The following FIGN variants were observed in gnomAD, a reference collection of about 807,000 sequenced individuals.
FIGN encodes fidgetin.
In FIGN, 11 loss-of-function variants were observed where a neutral mutation model predicts 51.3. The observed-to-expected ratio is 0.21, with a 90% CI of 0.13 to 0.35. The LOEUF (loss-of-function observed/expected upper bound fraction) is 0.35. Ranked by LOEUF, FIGN falls within the 10% of genes least tolerant of loss-of-function variation. The pLI, the probability that FIGN is intolerant of heterozygous loss-of-function variation, is 1.00. For synonymous variants in FIGN, 407 were observed against 363.2 expected (o/e 1.12, Z -1.37); for missense variants, 857 against 943.6 (o/e 0.91, Z 1.20).
chr2:163,655,802 C>CAG (rs1260075041), intron 2 of FIGN, among the ~76,000 whole-genome samples: 2 of 136,146 alleles, frequency 1.5e-5, no homozygotes, highest in Admixed American at 6.9e-5. Flanking sequence ...CACACACACA[C>CAG]ACAGAGAGAG....
chr2:163,624,427 A>G (rs1683022995), intron 2 of FIGN, among the ~76,000 whole-genome samples: 1 of 151,416 alleles, frequency 6.6e-6, no homozygotes, highest in African/African-American at 2.4e-5. Context: ...AAGAAGAGAA[A>G]GAAAAAAAAA....
intron 2 of FIGN, among the ~76,000 whole-genome samples, chr2:163,623,845 G>T (rs139764080): frequency 6.6e-6 from 1 of 151,968 alleles, no homozygotes; most frequent in Non-Finnish European, 1.5e-5. Flanking sequence ...TTTTACTTTA[G>T]AAATTATTTT....
chr2:163,620,100 T>G (rs1682942454), intron 2 of FIGN, among the ~76,000 whole-genome samples: 1 of 152,148 alleles, frequency 6.6e-6, no homozygotes, highest in Admixed American at 6.6e-5. Flanking sequence ...TTCCTAAGTG[T>G]CAGGTGTCAT....
chr2:163,640,838 C>T (rs1683295108), intron 2 of FIGN, among the ~76,000 whole-genome samples: 1 of 152,156 alleles, frequency 6.6e-6, no homozygotes, highest in Admixed American at 6.5e-5. Context: ...TTTAGAATAA[C>T]ACTGGTACCT....
Position 163,609,614 on chromosome 2 carries a change from T to C in FIGN, c.2218A>G (p.Ile740Val), listed in dbSNP as rs1406319027. Residue 740 changes from isoleucine (I) to valine (V), a missense_variant, in exon 3 of 3, where the codon ATA (isoleucine) becomes GTA (valine). Coordinates refer to ENST00000333129, the MANE Select transcript of FIGN (RefSeq NM_018086.4). ...TACATATCAAGCTCCTTTTGAGATA[T>C]GCTAGGCTGAATCTTGCAGAAAGCA... is the stretch of plus-strand genomic sequence containing the variant. ...ENAFCKIQPS[I>V]SQKELDMYVE... is the part of the protein sequence containing the mutation. 4 of 1,614,068 alleles carry C rather than the reference T, an allele frequency of 2.5e-6. No homozygotes were observed. The highest frequency in any genetic ancestry group is 1.1e-5 in the South Asian group (1 of 91,094).
intron 2 of FIGN, among the ~76,000 whole-genome samples, chr2:163,649,614 CA>C (rs1432188579): frequency 1.3e-5 from 2 of 152,192 alleles, no homozygotes; most frequent in Non-Finnish European, 2.9e-5. Flanking sequence ...GTCATGGCTG[CA>C]GCCCCAGCCA....
chr2:163,635,360 G>A (rs895847877), intron 2 of FIGN, among the ~76,000 whole-genome samples: 1 of 152,114 alleles, frequency 6.6e-6, no homozygotes, highest in Non-Finnish European at 1.5e-5. Context: ...TTGAACCTAC[G>A]AGCTAGAGAC....
At chr2:163,661,113 A>G in intron 2 of FIGN, among the ~76,000 whole-genome samples, 1 of 149,436 alleles carries the variant, frequency 6.7e-6, no homozygotes, top group African/African-American at 2.5e-5. Context: ...TGAACTCTCG[A>G]CCTCAGGTGA....
At chr2:163,691,531 A>G (rs1684239615) in intron 2 of FIGN, among the ~76,000 whole-genome samples, 1 of 152,130 alleles carries the variant, frequency 6.6e-6, no homozygotes, top group South Asian at 2.1e-4. Context: ...GATGTGACCT[A>G]TTTTAAACAG....
chr2:163,719,755 C>G (rs559481273), intron 2 of FIGN, among the ~76,000 whole-genome samples: 1 of 152,026 alleles, frequency 6.6e-6, no homozygotes, highest in Admixed American at 6.6e-5. Flanking sequence ...TAAAGAAAAA[C>G]GAAGAATCAC....
At chr2:163,695,281 C>G (rs1369012067) in intron 2 of FIGN, among the ~76,000 whole-genome samples, 2 of 152,124 alleles carry the variant, frequency 1.3e-5, no homozygotes, top group African/African-American at 4.8e-5. Context: ...TTTCCCACTA[C>G]TTAATCCCCC....
chr2:163,653,793 C>T (rs1229464918), intron 2 of FIGN, among the ~76,000 whole-genome samples: 1 of 152,048 alleles, frequency 6.6e-6, no homozygotes, highest in Non-Finnish European at 1.5e-5. Context: ...ATATTTTGTG[C>T]AACAGGAATT....
intron 2 of FIGN, among the ~76,000 whole-genome samples, chr2:163,720,274 T>C (rs1200037117): frequency 6.6e-6 from 1 of 152,220 alleles, no homozygotes; most frequent in Non-Finnish European, 1.5e-5. Context: ...GTACAAAATC[T>C]TGTGAAAGAT....
intron 2 of FIGN, among the ~76,000 whole-genome samples, chr2:163,709,620 C>T (rs921557622): frequency 1.3e-5 from 2 of 152,092 alleles, no homozygotes; most frequent in African/African-American, 4.8e-5. Flanking sequence ...AAGCGATTTA[C>T]TATGTGTTCA....
At chr2:163,637,201 G>T (rs1362114400) in intron 2 of FIGN, among the ~76,000 whole-genome samples, 1 of 152,134 alleles carries the variant, frequency 6.6e-6, no homozygotes, top group African/African-American at 2.4e-5. Context: ...AAGAAGAAAT[G>T]CAACAGTAGC....
chr2:163,693,126 A>G (rs1684263496), intron 2 of FIGN, among the ~76,000 whole-genome samples: 2 of 152,098 alleles, frequency 1.3e-5, no homozygotes, highest in African/African-American at 4.8e-5. Context: ...CTGAAACCAC[A>G]CCTCTAATTT....
chr2:163,609,850 A>G lies in FIGN; in HGVS notation c.1982T>C (p.Ile661Thr), dbSNP rs1322511155. Residue 661 changes from isoleucine to threonine, a missense_variant, in exon 3 of 3, where the codon ATA becomes ACA. Coordinates refer to ENST00000333129, the MANE Select transcript of FIGN (RefSeq NM_018086.4). ...GTGCTGTGAGAGCAGTTGTACTATTATCTGGTGCCTCGCTGTGCTGTCAGG... is the reference window on the plus strand; with the variant it reads ...GTGCTGTGAGAGCAGTTGTACTATTGTCTGGTGCCTCGCTGTGCTGTCAGG... ...PLPDSTARHQ[I>T]IVQLLSQHNY... 1 of 1,614,130 alleles carries G rather than the reference A, an allele frequency of 6.2e-7. No homozygotes were observed. The highest frequency in any genetic ancestry group is 2.2e-5 in the East Asian group (1 of 44,854).
At chr2:163,733,580 C>A (rs1684965011) in intron 2 of FIGN, among the ~76,000 whole-genome samples, 1 of 152,220 alleles carries the variant, frequency 6.6e-6, no homozygotes, top group South Asian at 2.1e-4. Context: ...TGTGCTCTCT[C>A]CTCCTTAAAA....
chr2:163,717,562 T>A (rs1684689269), intron 2 of FIGN, among the ~76,000 whole-genome samples: 1 of 152,066 alleles, frequency 6.6e-6, no homozygotes, highest in Admixed American at 6.6e-5. Context: ...TCTGAGGGCT[T>A]TCAGAGGGAA....
Sources: gnomAD v4.1 joint callset for allele counts (sites outside exome capture counted in the v4.1 genomes callset) on GRCh38, gnomAD v4.1.1 for gene constraint, MANE v1.5 for transcripts, NCBI Gene and HGNC (gene_info 2026-07-23, HGNC 2026-07-21) for gene names.